Variants in CTNNA3 observed in about 807,000 individuals in gnomAD.
CTNNA3 encodes the protein catenin alpha 3.
CTNNA3 carries 76 observed loss-of-function variants against 95.7 expected under a neutral mutation model. That is an observed-to-expected ratio of 0.79 (90% CI 0.66 to 0.96). The LOEUF (loss-of-function observed/expected upper bound fraction) is 0.96. Among genes scored for constraint, CTNNA3 ranks in the 40% least tolerant of loss-of-function variants. The pLI, the probability that CTNNA3 is intolerant of heterozygous loss-of-function variation, is 0.00. For missense variants in CTNNA3, 1,191 were observed against 1,089.8 expected (o/e 1.09, Z -1.31); for synonymous variants, 431 against 374.4 (o/e 1.15, Z -1.74).
chr10:66,303,287 T>C (rs2091889420), intron 12 of CTNNA3, among the ~76,000 whole-genome samples: 2 of 152,050 alleles, frequency 1.3e-5, no homozygotes, highest in Admixed American at 6.6e-5. Context: ...AGGTTAAGAA[T>C]AAACAGTGTA....
At chr10:67,746,012 C>T (rs921565860) in intron 1 of CTNNA3, among the ~76,000 whole-genome samples, 1 of 152,150 alleles carries the variant, frequency 6.6e-6, no homozygotes, top group Non-Finnish European at 1.5e-5. Context: ...AAGCAATTTA[C>T]AGATTCAATG....
chr10:66,303,047 G>T (rs2091885438), intron 12 of CTNNA3, among the ~76,000 whole-genome samples: 1 of 152,008 alleles, frequency 6.6e-6, no homozygotes, highest in Non-Finnish European at 1.5e-5. Context: ...GAATAAAAGG[G>T]AACACCTTTA....
At chr10:67,751,122 T>C (rs1008907956) in intron 1 of CTNNA3, 9 of 1,369,212 alleles carry the variant, frequency 6.6e-6, no homozygotes, top group South Asian at 4.6e-5. Flanking sequence ...TGACTTTACA[T>C]TGAATGATGA....
At chr10:66,893,161 C>T (rs186083804) in intron 7 of CTNNA3, among the ~76,000 whole-genome samples, 1 of 152,134 alleles carries the variant, frequency 6.6e-6, no homozygotes, top group African/African-American at 2.4e-5. Flanking sequence ...CCCTTGGGTC[C>T]GTGCATGCAG....
At chr10:66,677,403 C>CTT (rs71035163) in intron 9 of CTNNA3, among the ~76,000 whole-genome samples, 14 of 150,258 alleles carry the variant, frequency 9.3e-5, no homozygotes, top group South Asian at 8.4e-4. Flanking sequence ...TAGAAGCCCA[C>CTT]TTTTTTTTTA....
chr10:66,087,406 A>C (rs1376261343), intron 14 of CTNNA3, among the ~76,000 whole-genome samples: 1 of 152,116 alleles, frequency 6.6e-6, no homozygotes, highest in East Asian at 1.9e-4. Flanking sequence ...TCCCCAGACA[A>C]TGATGGTGCT....
intron 10 of CTNNA3, among the ~76,000 whole-genome samples, chr10:66,522,894 A>C (rs2132026687): frequency 6.6e-6 from 1 of 152,232 alleles, no homozygotes; most frequent in South Asian, 2.1e-4. Flanking sequence ...ACAACAATAA[A>C]AAGAAGCTTT....
chr10:67,740,569 C>T (rs1424800940), intron 1 of CTNNA3, among the ~76,000 whole-genome samples: 2 of 151,526 alleles, frequency 1.3e-5, no homozygotes, highest in Non-Finnish European at 3.0e-5. Flanking sequence ...TGCTCACCAT[C>T]ACTGGCCATC....
chr10:66,553,517 CTTTTTTTTT>C (rs753973882), intron 10 of CTNNA3, among the ~76,000 whole-genome samples: 3 of 52,216 alleles, frequency 5.7e-5, no homozygotes, highest in Admixed American at 3.5e-4. Context: ...CAATACTTTT[CTTTTTTTTT>C]TTTTTTTTTT....
chr10:67,412,940 A>G (rs1845418745), intron 5 of CTNNA3, among the ~76,000 whole-genome samples: 1 of 152,048 alleles, frequency 6.6e-6, no homozygotes, highest in African/African-American at 2.4e-5. Context: ...CTATAAAGCA[A>G]CTACACAAGA....
intron 7 of CTNNA3, among the ~76,000 whole-genome samples, chr10:67,105,098 G>A (rs1858555638): frequency 6.6e-6 from 1 of 151,990 alleles, no homozygotes; most frequent in African/African-American, 2.4e-5. Context: ...TAAATAATCT[G>A]CCAGTAATTT....
chr10:66,026,432 A>G (rs1238887774), intron 15 of CTNNA3, among the ~76,000 whole-genome samples: 1 of 152,186 alleles, frequency 6.6e-6, no homozygotes, highest in Admixed American at 6.5e-5. Flanking sequence ...AGCACAGAAA[A>G]GGGAAGATAT....
Position 66,059,210 on chromosome 10 carries a change from A to G in CTNNA3, c.2159+10098T>C, listed in dbSNP as rs564487118. Among the ~76,000 whole-genome samples the G allele has an allele frequency of 1.5e-4, 23 of 152,264 alleles. No homozygotes were observed. In the East Asian group the frequency reaches 3.5e-3, roughly 23 times the overall value. ...TTTTGGTAAGGAAAATTGGCATCTC[A>G]TTTGGCTGACAAATAACCCGTTTTC... On this transcript the variant is annotated intron_variant, in intron 15 of 17. Transcript: ENST00000433211.
At chr10:66,442,102 A>G (rs2093379104) in intron 11 of CTNNA3, among the ~76,000 whole-genome samples, 1 of 152,186 alleles carries the variant, frequency 6.6e-6, no homozygotes, top group South Asian at 2.1e-4. Context: ...TTGAACACGT[A>G]CAGACATTTT....
At chr10:66,915,657 T>C (rs1263430071) in intron 7 of CTNNA3, among the ~76,000 whole-genome samples, 1 of 151,240 alleles carries the variant, frequency 6.6e-6, no homozygotes, top group Non-Finnish European at 1.5e-5. Context: ...AATAGGATTA[T>C]CTGAAATGCC....
At chr10:66,692,094 T>C (rs1264653418) in intron 9 of CTNNA3, among the ~76,000 whole-genome samples, 2 of 152,028 alleles carry the variant, frequency 1.3e-5, no homozygotes, top group South Asian at 2.1e-4. Flanking sequence ...TCACCAGCAA[T>C]GGAACAAAGC....
intron 7 of CTNNA3, among the ~76,000 whole-genome samples, chr10:67,174,655 A>G (rs1862158255): frequency 6.6e-6 from 1 of 152,220 alleles, no homozygotes; most frequent in South Asian, 2.1e-4. Context: ...CAGAGAAAAA[A>G]AAAGCATTTT....
intron 3 of CTNNA3, among the ~76,000 whole-genome samples, chr10:67,559,695 C>T (rs1207537911): frequency 6.6e-6 from 1 of 151,904 alleles, no homozygotes; most frequent in Non-Finnish European, 1.5e-5. Flanking sequence ...CTCCGAGCTA[C>T]AGGAGGAAAT....
chr10:66,098,434 T>A (rs957564855), intron 14 of CTNNA3, among the ~76,000 whole-genome samples: 1 of 152,148 alleles, frequency 6.6e-6, no homozygotes, highest in Non-Finnish European at 1.5e-5. Context: ...TAACAAAAAA[T>A]AAGCTCCAGG....
Sources: gnomAD v4.1 joint callset for allele counts (sites outside exome capture counted in the v4.1 genomes callset) on GRCh38, gnomAD v4.1.1 for gene constraint, MANE v1.5 for transcripts, NCBI Gene and HGNC (gene_info 2026-07-23, HGNC 2026-07-21) for gene names.